PRKAR1A: variants seen among roughly 807,000 people sequenced by gnomAD.
PRKAR1A encodes the protein protein kinase cAMP-dependent type I regulatory subunit alpha.
In PRKAR1A, 3 loss-of-function variants were observed where a neutral mutation model predicts 52.0. The ratio of observed to expected loss-of-function variants is 0.06; its 90% CI spans 0.03 to 0.15. PRKAR1A has a LOEUF of 0.15. Ranked by LOEUF, PRKAR1A falls within the 10% of genes least tolerant of loss-of-function variation. PRKAR1A has a pLI of 1.00. For missense variants in PRKAR1A, 240 were observed against 477.4 expected (o/e 0.50, Z 4.63); for synonymous variants, 188 against 168.4 (o/e 1.12, Z -0.90).
chr17:68,428,000 C>T, the PRKAR1A span, among the ~76,000 whole-genome samples: 3 of 151,960 alleles, frequency 2.0e-5, no homozygotes, highest in African/African-American at 7.3e-5. Context: ...AGGTGATCCC[C>T]CCACCTCTGC....
At chr17:68,548,314 G>A (rs534286387) in intron 11 of PRKAR1A, among the ~76,000 whole-genome samples, 94 of 152,280 alleles carry the variant, frequency 6.2e-4, no homozygotes, top group African/African-American at 2.2e-3. Context: ...CGGATCACCT[G>A]AGGTCGAGAG....
the PRKAR1A span, among the ~76,000 whole-genome samples, chr17:68,416,949 C>T: frequency 6.6e-6 from 1 of 152,218 alleles, no homozygotes; most frequent in South Asian, 2.1e-4. Context: ...TAATAACTAA[C>T]CTCCTGAATT....
the PRKAR1A span, chr17:68,434,640 C>T: frequency 6.2e-7 from 1 of 1,613,624 alleles, no homozygotes; most frequent in East Asian, 2.2e-5. Flanking sequence ...GAAAAGAAAG[C>T]AGGTGGACAT....
chr17:68,473,906 C>A, the PRKAR1A span, among the ~76,000 whole-genome samples: 1 of 152,102 alleles, frequency 6.6e-6, no homozygotes, highest in Admixed American at 6.5e-5. Context: ...TTCTCATTCC[C>A]TAAAACCTTG....
At chr17:68,521,885 C>A (rs1233846228) in intron 2 of PRKAR1A, among the ~76,000 whole-genome samples, 1 of 152,144 alleles carries the variant, frequency 6.6e-6, no homozygotes, top group Non-Finnish European at 1.5e-5. Context: ...TTACTTCAGG[C>A]ACAACAACTA....
At chr17:68,446,187 T>A in the PRKAR1A span, among the ~76,000 whole-genome samples, 2 of 146,770 alleles carry the variant, frequency 1.4e-5, no homozygotes, top group Non-Finnish European at 3.0e-5. Context: ...CATTTCTCAA[T>A]TTTTTTTTTT....
the PRKAR1A span, among the ~76,000 whole-genome samples, chr17:68,496,455 C>T: frequency 4.2e-4 from 64 of 152,278 alleles, no homozygotes; most frequent in African/African-American, 1.3e-3. Flanking sequence ...GTGATTACAC[C>T]GGCCACGTCC....
At chr17:68,525,963 A>G in intron 7 of PRKAR1A, 51 bp downstream of exon 7, 2 of 1,591,022 alleles carry the variant, frequency 1.3e-6, no homozygotes, top group Non-Finnish European at 1.7e-6. Flanking sequence ...CATCTACGTA[A>G]CTAATGTTTG....
the PRKAR1A span, chr17:68,422,053 G>A: frequency 1.8e-6 from 1 of 566,982 alleles, no homozygotes; most frequent in Non-Finnish European, 3.2e-6. Flanking sequence ...CTGTGTGTGT[G>A]TGTATGTATT....
chr17:68,472,188 C>T, the PRKAR1A span, among the ~76,000 whole-genome samples: 3 of 152,206 alleles, frequency 2.0e-5, no homozygotes, highest in East Asian at 5.8e-4. Context: ...GCCCCACCCA[C>T]ACAACCCCTT....
the PRKAR1A span, among the ~76,000 whole-genome samples, chr17:68,496,818 C>CT: frequency 0.022 from 2,037 of 91,030 alleles, 154 homozygotes; most frequent in African/African-American, 0.028. Flanking sequence ...TTAGTTTTTA[C>CT]TTTTTTTTTT....
At chr17:68,426,244 G>C in the PRKAR1A span, 11 of 985,744 alleles carry the variant, frequency 1.1e-5, no homozygotes, top group Non-Finnish European at 1.7e-5. Flanking sequence ...CTGGCGGGTG[G>C]GGAGCGGGGG....
chr17:68,549,672 G>C (rs935208359), intron 11 of PRKAR1A, among the ~76,000 whole-genome samples: 2 of 152,004 alleles, frequency 1.3e-5, no homozygotes, highest in Non-Finnish European at 2.9e-5. Flanking sequence ...CTCTCTAACT[G>C]GGGCTGTCTT....
At chr17:68,466,094 G>A in the PRKAR1A span, among the ~76,000 whole-genome samples, 1 of 152,216 alleles carries the variant, frequency 6.6e-6, no homozygotes, top group Non-Finnish European at 1.5e-5. Context: ...AAATGGGCCT[G>A]TCGTGCAAAT....
downstream of PRKAR1A, chr17:68,535,065 A>G (rs1001740781): frequency 5.6e-6 from 2 of 358,924 alleles, no homozygotes; most frequent in Non-Finnish European, 1.1e-5. Flanking sequence ...TTCCATCAGT[A>G]CAGTTCCCGT....
chr17:68,452,925 G>C, the PRKAR1A span: 1 of 1,613,964 alleles, frequency 6.2e-7, no homozygotes. Context: ...CCGTGGACTT[G>C]ATCCAGCTGC....
At chr17:68,505,655 A>G in the PRKAR1A span, among the ~76,000 whole-genome samples, 1 of 152,164 alleles carries the variant, frequency 6.6e-6, no homozygotes, top group Non-Finnish European at 1.5e-5. Context: ...TCTACAAAAA[A>G]TACAAAAATT....
In PRKAR1A at chr17:68,533,300, G is replaced by T. The variant is rs1307097886; in HGVS notation, c.*2851G>T. ...CATCCAGTGAAATTGGAGATATGTT[G>T]TATGTTAGAAGAGCATTCTTTAAAT... On this transcript the variant is annotated 3_prime_UTR_variant, in exon 11 of 11. Coordinates refer to ENST00000589228, the MANE Select transcript of PRKAR1A (RefSeq NM_002734.5). 1 of 1,063,844 alleles carries T rather than the reference G, an allele frequency of 9.4e-7. No homozygotes were observed. The highest frequency in any genetic ancestry group is 5.0e-5 in the East Asian group (1 of 19,900). The allele number at this position is 1,063,844 out of a possible 1,614,324, so 65.9% of individuals were successfully genotyped here.
chr17:68,453,123 G>A, the PRKAR1A span: 1 of 631,908 alleles, frequency 1.6e-6, no homozygotes. Flanking sequence ...TTAGATCCTT[G>A]GTAACTTCCT....
Sources: allele counts gnomAD v4.1 joint callset (sites outside exome capture counted in the v4.1 genomes callset), GRCh38; gene constraint gnomAD v4.1.1; transcripts MANE v1.5; gene names NCBI Gene and HGNC (gene_info 2026-07-23, HGNC 2026-07-21).